Variants in SEC14L1 observed in about 807,000 individuals in gnomAD.
The protein encoded by SEC14L1 is SEC14 like lipid binding 1.
SEC14L1 carries 48 observed loss-of-function variants against 85.3 expected under a neutral mutation model. The observed-to-expected ratio is 0.56, with a 90% CI of 0.45 to 0.72. SEC14L1 has a LOEUF of 0.72. Among genes scored for constraint, SEC14L1 ranks in the 30% least tolerant of loss-of-function variants. SEC14L1 has a pLI of 0.00. For synonymous variants in SEC14L1, 391 were observed against 355.5 expected (o/e 1.10, Z -1.12); for missense variants, 682 against 921.4 (o/e 0.74, Z 3.36).
intron 3 of SEC14L1, among the ~76,000 whole-genome samples, chr17:77,106,210 A>C (rs117048653): frequency 6.6e-6 from 1 of 152,108 alleles, no homozygotes; most frequent in Non-Finnish European, 1.5e-5. Context: ...CCTGAGCAGC[A>C]TAGTGAGACT....
chr17:77,153,135 T>G (rs761568176), intron 3 of SEC14L1, among the ~76,000 whole-genome samples: 85 of 152,214 alleles, frequency 5.6e-4, no homozygotes, highest in Non-Finnish European at 3.1e-4. Flanking sequence ...TGGCGCAATC[T>G]TGGCTCACTG....
At chr17:77,191,445 T>A in intron 5 of SEC14L1, 133 bp downstream of exon 5, 1 of 994,564 alleles carries the variant, frequency 1.0e-6, no homozygotes, top group Non-Finnish European at 1.5e-6. Flanking sequence ...CACTCATTTC[T>A]CATGTGTAGG....
chr17:77,214,487 C>G lies in SEC14L1; in HGVS notation c.*464C>G, dbSNP rs1976940293. On this transcript the variant is annotated 3_prime_UTR_variant, in exon 17 of 17. Transcript: ENST00000436233. The stretch of plus-strand genomic sequence containing the variant: ...TCATGGCCCGCACGCCGCCTCACGG[C>G]CCCCATGCTTCCCGCCAGTCAAGAT... The G allele has an allele frequency of 1.0e-6, 1 of 1,001,386 alleles. No individual in the cohort carries two copies. Among genetic ancestry groups the G allele is most frequent in the Non-Finnish European group, 1.2e-6 (1 of 838,924 alleles). 62.0% of individuals were successfully genotyped at this position (1,001,386 alleles called of 1,614,324 possible).
chr17:77,125,686 C>T (rs1972428932), intron 3 of SEC14L1, among the ~76,000 whole-genome samples: 1 of 152,250 alleles, frequency 6.6e-6, no homozygotes, highest in Non-Finnish European at 1.5e-5. Context: ...ACACAGGCAC[C>T]TACCTCTGCT....
chr17:77,183,327 A>G (rs1265288534), intron 3 of SEC14L1, among the ~76,000 whole-genome samples: 1 of 152,114 alleles, frequency 6.6e-6, no homozygotes, highest in African/African-American at 2.4e-5. Flanking sequence ...AAATTAGCAC[A>G]TTTGCTTTCT....
intron 3 of SEC14L1, among the ~76,000 whole-genome samples, chr17:77,149,467 G>A (rs541591977): frequency 6.6e-6 from 1 of 152,276 alleles, no homozygotes; most frequent in South Asian, 2.1e-4. Context: ...GGTGAGTTGG[G>A]AGGATTTCTT....
intron 4 of SEC14L1, 49 bp from the exon 5 acceptor site, chr17:77,191,132 C>A (rs1161091986): frequency 6.3e-7 from 1 of 1,579,382 alleles, no homozygotes; most frequent in Non-Finnish European, 8.7e-7. Flanking sequence ...AGCTTCTGTG[C>A]TATTGGTTGT....
intron 3 of SEC14L1, among the ~76,000 whole-genome samples, chr17:77,119,798 C>T (rs914465228): frequency 6.6e-6 from 1 of 152,178 alleles, no homozygotes; most frequent in Non-Finnish European, 1.5e-5. Context: ...CTTAAACCTA[C>T]CAGCTCCACC....
chr17:77,101,833 T>C (rs1567869001), intron 3 of SEC14L1, among the ~76,000 whole-genome samples: 1 of 152,224 alleles, frequency 6.6e-6, no homozygotes. Context: ...TACACGTTGA[T>C]GTAATTCCTT....
intron 3 of SEC14L1, among the ~76,000 whole-genome samples, chr17:77,153,222 A>G (rs1248495523): frequency 6.6e-6 from 1 of 152,116 alleles, no homozygotes; most frequent in Non-Finnish European, 1.5e-5. Flanking sequence ...ATGCGCCACC[A>G]CGCCCGGCTA....
intron 3 of SEC14L1, among the ~76,000 whole-genome samples, chr17:77,131,823 G>A (rs1337369935): frequency 6.6e-6 from 1 of 152,222 alleles, no homozygotes; most frequent in Non-Finnish European, 1.5e-5. Context: ...TTTTGGGAGA[G>A]AATTCTGCTA....
chr17:77,154,169 G>C (rs1171149156), intron 3 of SEC14L1, among the ~76,000 whole-genome samples: 2 of 152,184 alleles, frequency 1.3e-5, no homozygotes, highest in Non-Finnish European at 2.9e-5. Context: ...AATGTAGAGA[G>C]AATTTAAAGT....
At chr17:77,133,308 C>G (rs913894367) in intron 3 of SEC14L1, among the ~76,000 whole-genome samples, 1 of 152,236 alleles carries the variant, frequency 6.6e-6, no homozygotes, top group African/African-American at 2.4e-5. Flanking sequence ...GAGGACCCAG[C>G]AACGGCCCCC....
chr17:77,109,977 C>A (rs1972011558), intron 3 of SEC14L1, among the ~76,000 whole-genome samples: 1 of 152,154 alleles, frequency 6.6e-6, no homozygotes, highest in South Asian at 2.1e-4. Context: ...CCACTGGACT[C>A]CCCCATGCTT....
intron 2 of SEC14L1, among the ~76,000 whole-genome samples, chr17:77,143,080 T>C (rs2143514707): frequency 6.6e-6 from 1 of 151,348 alleles, no homozygotes; most frequent in African/African-American, 2.4e-5. Flanking sequence ...TTGAGGAGTA[T>C]TCCATAGTTT....
rs1275968717 is a variant in SEC14L1, at chr17:77,184,425, CCTT to C, written c.64-6375_64-6373del. ...AAATGGTGATTTCCTAATTGGCAAT[CCTT>C]CTGTGTTGATTAGATTTTTTTTTTC... is the stretch of plus-strand genomic sequence containing the variant. On this transcript the variant is annotated intron_variant, in intron 3 of 16. Transcript: ENST00000436233. 2.6e-5 allele frequency among the ~76,000 whole-genome samples: 4 copies of C among 152,246 alleles called. No homozygotes were observed. In the East Asian group the frequency reaches 7.7e-4, roughly 29 times the overall value.
intron 8 of SEC14L1, among the ~76,000 whole-genome samples, chr17:77,198,393 C>T (rs1438174197): frequency 6.6e-6 from 1 of 152,200 alleles, no homozygotes; most frequent in Non-Finnish European, 1.5e-5. Flanking sequence ...TTGAACATTA[C>T]TAGCGAAGTC....
At position 77,215,834 on chromosome 17, in the gene SEC14L1, A is replaced by G. The variant is rs1218186173; in HGVS notation, c.*1811A>G. On this transcript the variant is annotated 3_prime_UTR_variant, in exon 17 of 17. Transcript: ENST00000436233. ...GGGCTGGTAGGTAGGGTTAGTAGGT[A>G]GGGCTAGTAGGTAGGGTTAGTAGGT... 1.0e-6 allele frequency: 1 copy of G among 956,412 alleles called. No individual in the cohort carries two copies. The highest frequency in any genetic ancestry group is 6.7e-5 in the Admixed American group (1 of 14,882). The allele number at this position is 956,412 out of a possible 1,614,324, so 59.2% of individuals were successfully genotyped here.
chr17:77,175,376 A>G (rs1974708242), intron 3 of SEC14L1, among the ~76,000 whole-genome samples: 1 of 152,240 alleles, frequency 6.6e-6, no homozygotes, highest in Non-Finnish European at 1.5e-5. Flanking sequence ...GGGGTGGGCT[A>G]GCTAAAGCAA....
Sources: gnomAD v4.1 joint callset for allele counts (sites outside exome capture counted in the v4.1 genomes callset) on GRCh38, gnomAD v4.1.1 for gene constraint, MANE v1.5 for transcripts, NCBI Gene and HGNC (gene_info 2026-07-23, HGNC 2026-07-21) for gene names.